The following GABRA3 variants were observed in gnomAD, a reference collection of about 807,000 sequenced individuals.
GABRA3 encodes gamma-aminobutyric acid type A receptor subunit alpha3.
Under a neutral mutation model 30.1 loss-of-function variants are expected in GABRA3, and 10 were observed. The ratio of observed to expected loss-of-function variants is 0.33; its 90% CI spans 0.20 to 0.56. GABRA3 has a LOEUF of 0.56. Among genes scored for constraint, GABRA3 ranks in the 20% least tolerant of loss-of-function variants. The pLI is 0.89. For synonymous variants in GABRA3, 151 were observed against 146.8 expected, an observed-to-expected ratio of 1.03 and a Z score of -0.21; for missense variants, 233 against 392.0, an observed-to-expected ratio of 0.59 and a Z score of 3.42.
intron 3 of GABRA3, among the ~76,000 whole-genome samples, chrX:152,320,593 G>C (rs1426903636): frequency 1.8e-5 from 2 of 111,100 alleles, no homozygotes; most frequent in East Asian, 5.6e-4. Flanking sequence ...AGGGAGTGAG[G>C]AATAAAAGAC....
chrX:152,193,736 C>T (rs1937351676), intron 8 of GABRA3, among the ~76,000 whole-genome samples: 1 of 112,533 alleles, frequency 8.9e-6, no homozygotes, highest in Non-Finnish European at 1.9e-5. Flanking sequence ...TGGTGGCTCC[C>T]GCCTGGAATC....
intron 7 of GABRA3, among the ~76,000 whole-genome samples, chrX:152,200,974 G>A (rs750471095): frequency 7.2e-4 from 81 of 111,925 alleles, no homozygotes; most frequent in Non-Finnish European, 1.4e-3. Context: ...CCTAGGTTGC[G>A]AAGATTTCCC....
chrX:152,368,499 C>T (rs907042565), intron 1 of GABRA3, among the ~76,000 whole-genome samples: 3 of 110,586 alleles, frequency 2.7e-5, no homozygotes, highest in Non-Finnish European at 3.8e-5. Flanking sequence ...AATCATATTC[C>T]ATTGTGTATG....
chrX:152,288,706 A>G (rs993363324), intron 3 of GABRA3, among the ~76,000 whole-genome samples: 1 of 111,657 alleles, frequency 9.0e-6, no homozygotes. Context: ...AGTGAATTAA[A>G]CTGAAACTCA....
At chrX:152,234,969 T>C (rs1938168583) in intron 5 of GABRA3, among the ~76,000 whole-genome samples, 1 of 111,787 alleles carries the variant, frequency 8.9e-6, no homozygotes, top group Non-Finnish European at 1.9e-5. Flanking sequence ...TTTGTGGTTC[T>C]ATGTTAATTT....
chrX:152,182,342 A>G (rs1041408901), intron 9 of GABRA3, among the ~76,000 whole-genome samples: 7 of 98,553 alleles, frequency 7.1e-5, no homozygotes, highest in African/African-American at 2.6e-4. Context: ...CACACAGTGT[A>G]TGTATATATA....
intron 4 of GABRA3, among the ~76,000 whole-genome samples, chrX:152,268,540 T>C (rs1285020102): frequency 8.9e-6 from 1 of 111,776 alleles, no homozygotes; most frequent in Non-Finnish European, 1.9e-5. Context: ...CATTCCTGGG[T>C]ATGTCTTTAT....
chrX:152,410,579 T>G (rs1055446671), intron 1 of GABRA3, among the ~76,000 whole-genome samples: 1 of 111,390 alleles, frequency 9.0e-6, no homozygotes, highest in Non-Finnish European at 1.9e-5. Context: ...CATATAGAAC[T>G]ATTATGTACC....
At chrX:152,434,787 T>G (rs1392238746) in intron 1 of GABRA3, among the ~76,000 whole-genome samples, 2 of 111,667 alleles carry the variant, frequency 1.8e-5, no homozygotes, top group Non-Finnish European at 1.9e-5. Context: ...AGAAAGATCA[T>G]TTCAATAGAT....
intron 2 of GABRA3, among the ~76,000 whole-genome samples, chrX:152,359,886 T>G (rs11798711): frequency 1.8e-5 from 2 of 111,562 alleles, no homozygotes; most frequent in Non-Finnish European, 3.8e-5. Flanking sequence ...AAAGTATTAA[T>G]TGCACTGGGC....
rs558783459 is a variant in GABRA3 at position 152,439,608 on chromosome X, T to G, written c.-27+11538A>C. ...ACCCCAGGAGTCCCCTTCTAGGTAT[T>G]TACCTAGCATAAATAAAAATATATG... is the stretch of plus-strand genomic sequence containing the variant. On this transcript the variant is annotated intron_variant, in intron 1 of 9. Coordinates refer to ENST00000370314, the MANE Select transcript of GABRA3 (RefSeq NM_000808.4). 7.2e-5 allele frequency among the ~76,000 whole-genome samples: 8 copies of G among 111,526 alleles called. No homozygotes were observed. The South Asian group carries it at 3.0e-3, about 43-fold the overall frequency.
At chrX:152,404,088 G>A in intron 1 of GABRA3, among the ~76,000 whole-genome samples, 1 of 111,306 alleles carries the variant, frequency 9.0e-6, no homozygotes, top group East Asian at 2.8e-4. Context: ...CAAAATTTCA[G>A]CTGGAATGCT....
chrX:152,367,871 C>T (rs907648903), intron 1 of GABRA3, among the ~76,000 whole-genome samples: 3 of 112,019 alleles, frequency 2.7e-5, no homozygotes, highest in Admixed American at 9.5e-5. Flanking sequence ...TCCCCTTTAA[C>T]GTTCAAACCA....
intron 4 of GABRA3, among the ~76,000 whole-genome samples, chrX:152,278,225 C>T (rs1939125274): frequency 9.1e-6 from 1 of 109,393 alleles, no homozygotes; most frequent in African/African-American, 3.4e-5. Flanking sequence ...TGTCATTTAA[C>T]ATTAGGTATA....
chrX:152,241,350 C>G (rs1450157685), intron 5 of GABRA3, among the ~76,000 whole-genome samples: 1 of 94,541 alleles, frequency 1.1e-5, no homozygotes, highest in South Asian at 4.4e-4. Flanking sequence ...CTTGAGGAGG[C>G]AGTCTGCCGG....
chrX:152,169,983 T>A (rs1936982890), intron 9 of GABRA3, among the ~76,000 whole-genome samples: 1 of 111,895 alleles, frequency 8.9e-6, no homozygotes, highest in African/African-American at 3.3e-5. Context: ...ACTATAGTGA[T>A]CCTAATAACT....
intron 5 of GABRA3, among the ~76,000 whole-genome samples, chrX:152,228,933 C>A (rs1272180944): frequency 2.7e-5 from 3 of 111,151 alleles, no homozygotes; most frequent in Non-Finnish European, 3.8e-5. Flanking sequence ...AAAAAGAAAT[C>A]AAAGTCTTTA....
chrX:152,167,963 G>A lies in GABRA3; in HGVS notation c.*265C>T, dbSNP rs1165172436. 3 of 392,487 alleles carry A rather than the reference G, an allele frequency of 7.6e-6. No homozygotes were observed. In the East Asian group the frequency reaches 1.2e-4, roughly 16 times the overall value. The allele number at this position is 392,487 out of a possible 1,213,427, so 32.3% of individuals were successfully genotyped here. A position where few individuals can be genotyped will look rare whatever the true frequency, so the allele number is the denominator to read the frequency against. On this transcript the variant is annotated 3_prime_UTR_variant, in exon 10 of 10. Transcript: ENST00000370314. ...AAAATACATGCAGTGCCCTCAGCTA[G>A]GGGAGATTGGCAGACTAAGATGAGC...
At chrX:152,280,335 G>A (rs1216801191) in intron 4 of GABRA3, among the ~76,000 whole-genome samples, 1 of 111,261 alleles carries the variant, frequency 9.0e-6, no homozygotes, top group Non-Finnish European at 1.9e-5. Context: ...AGAATAAATT[G>A]ACAGCCTAAA....
Sources: allele counts gnomAD v4.1 joint callset (sites outside exome capture counted in the v4.1 genomes callset), GRCh38; gene constraint gnomAD v4.1.1; transcripts MANE v1.5; gene names NCBI Gene and HGNC (gene_info 2026-07-23, HGNC 2026-07-21).